Variants in COL23A1 observed in about 807,000 individuals in gnomAD.
COL23A1 encodes collagen type XXIII alpha 1 chain.
A neutral mutation model predicts 99.3 loss-of-function variants in COL23A1; 97 were observed. The observed-to-expected ratio is 0.98, with a 90% CI of 0.83 to 1.16. The LOEUF (loss-of-function observed/expected upper bound fraction) is 1.16. COL23A1 is among the 50% of genes most tolerant of loss of function. The pLI is 0.00. For synonymous variants in COL23A1, 320 were observed against 308.2 expected, an observed-to-expected ratio of 1.04 and a Z score of -0.40; for missense variants, 762 against 757.4, an observed-to-expected ratio of 1.01 and a Z score of -0.07.
intron 2 of COL23A1, among the ~76,000 whole-genome samples, chr5:178,454,035 A>G (rs1767633548): frequency 6.6e-6 from 1 of 152,214 alleles, no homozygotes; most frequent in South Asian, 2.1e-4. Flanking sequence ...AGACGTATTT[A>G]TTTTTGTCTT....
chr5:178,538,077 T>C (rs1368071219), intron 2 of COL23A1, among the ~76,000 whole-genome samples: 1 of 152,240 alleles, frequency 6.6e-6, no homozygotes, highest in Non-Finnish European at 1.5e-5. Flanking sequence ...TGCTATTGTA[T>C]GGATATGCTG....
chr5:178,500,936 C>T (rs545757979), intron 2 of COL23A1, among the ~76,000 whole-genome samples: 70 of 151,898 alleles, frequency 4.6e-4, no homozygotes, highest in Non-Finnish European at 7.4e-4. Context: ...TCACAAACTG[C>T]GAAATATTTT....
At chr5:178,530,529 T>G (rs139215298) in intron 2 of COL23A1, among the ~76,000 whole-genome samples, 1 of 152,180 alleles carries the variant, frequency 6.6e-6, no homozygotes, top group Non-Finnish European at 1.5e-5. Context: ...TTGCTTCTAA[T>G]GAAGAGAAAG....
At chr5:178,555,665 G>A (rs1762232225) in intron 2 of COL23A1, among the ~76,000 whole-genome samples, 1 of 152,180 alleles carries the variant, frequency 6.6e-6, no homozygotes, top group Non-Finnish European at 1.5e-5. Context: ...GTGAATGCAA[G>A]GGCCACAGTG....
chr5:178,254,171 A>G (rs1233585962), intron 16 of COL23A1, among the ~76,000 whole-genome samples: 3 of 152,028 alleles, frequency 2.0e-5, no homozygotes, highest in Non-Finnish European at 4.4e-5. Context: ...CAAAAACAAA[A>G]CGAAGTCCAT....
chr5:178,465,561 C>T (rs1244152769), intron 2 of COL23A1, among the ~76,000 whole-genome samples: 4 of 152,184 alleles, frequency 2.6e-5, no homozygotes, highest in African/African-American at 9.7e-5. Context: ...CCCACAGCAC[C>T]CAGGGCAAGA....
chr5:178,516,016 G>A (rs1312136217), intron 2 of COL23A1, among the ~76,000 whole-genome samples: 1 of 152,102 alleles, frequency 6.6e-6, no homozygotes, highest in Non-Finnish European at 1.5e-5. Flanking sequence ...CTCTTTTTGT[G>A]TCTCTTTCTG....
At chr5:178,481,815 T>C (rs1316452080) in intron 2 of COL23A1, among the ~76,000 whole-genome samples, 5 of 140,032 alleles carry the variant, frequency 3.6e-5, no homozygotes, top group Non-Finnish European at 6.0e-5. Flanking sequence ...TAGGTGGGAA[T>C]TGAACAGTGA....
intron 2 of COL23A1, among the ~76,000 whole-genome samples, chr5:178,517,568 G>GTTGTTTTTTTTTTT: frequency 9.2e-6 from 1 of 108,262 alleles, no homozygotes; most frequent in East Asian, 3.0e-4. Flanking sequence ...TTTTTTTTTT[G>GTTGTTTTTTTTTTT]TTTTTTTTTT....
At chr5:178,557,341 C>T (rs1004332448) in intron 2 of COL23A1, among the ~76,000 whole-genome samples, 78 of 152,324 alleles carry the variant, frequency 5.1e-4, no homozygotes, top group African/African-American at 1.8e-3. Flanking sequence ...TCAAAGGTCA[C>T]ATTCACAGGT....
At chr5:178,257,817 G>T (rs1294069685) in intron 12 of COL23A1, among the ~76,000 whole-genome samples, 1 of 152,248 alleles carries the variant, frequency 6.6e-6, no homozygotes, top group Non-Finnish European at 1.5e-5. Context: ...GGTGAATGAG[G>T]GTACATTCAT....
rs1037065040 is a variant in COL23A1, at chr5:178,310,745, G to A, written c.362-3826C>T. Among the ~76,000 whole-genome samples, 2 of 152,170 alleles carry A rather than the reference G, an allele frequency of 1.3e-5. No homozygotes were observed. Among genetic ancestry groups the A allele is most frequent in the African/African-American group, 4.8e-5 (2 of 41,448 alleles). ...GTGGAGCAGGTTGCCCCGGCCCCTG[G>A]GAGAGCAGGGCCAGCTTGGCTGCAG... is the stretch of plus-strand genomic sequence containing the variant. On this transcript the variant is annotated intron_variant, in intron 2 of 28. Transcript: ENST00000390654. This position sits in a 1 kb window ranked among gnomAD's most constrained non-coding sequence, Gnocchi z 4.3.
intron 2 of COL23A1, among the ~76,000 whole-genome samples, chr5:178,400,012 C>T (rs1764351200): frequency 6.6e-6 from 1 of 152,188 alleles, no homozygotes; most frequent in Non-Finnish European, 1.5e-5. Context: ...ATGAATGAAC[C>T]AGCAAGAACA....
chr5:178,239,401 GT>G (rs1337928590), intron 27 of COL23A1, among the ~76,000 whole-genome samples: 1 of 152,236 alleles, frequency 6.6e-6, no homozygotes, highest in Non-Finnish European at 1.5e-5. Context: ...TGTCCTGAGT[GT>G]GTTCCCTCTG....
At chr5:178,431,375 C>T (rs1011685226) in intron 2 of COL23A1, among the ~76,000 whole-genome samples, 4 of 152,170 alleles carry the variant, frequency 2.6e-5, no homozygotes, top group African/African-American at 7.2e-5. Context: ...AAAGACACTA[C>T]GGTTGACAGA....
At chr5:178,543,305 C>G (rs753123935) in intron 2 of COL23A1, among the ~76,000 whole-genome samples, 9 of 152,104 alleles carry the variant, frequency 5.9e-5, no homozygotes, top group Non-Finnish European at 1.0e-4. Context: ...CAAGGTTTCA[C>G]CACGTTGGCC....
intron 2 of COL23A1, among the ~76,000 whole-genome samples, chr5:178,424,055 C>T (rs1298232917): frequency 2.0e-5 from 3 of 152,184 alleles, no homozygotes; most frequent in African/African-American, 7.2e-5. Context: ...ACCTAAGGCC[C>T]TCTTCCTTCC....
At chr5:178,278,898 TG>T (rs1305892447) in intron 5 of COL23A1, among the ~76,000 whole-genome samples, 1 of 152,202 alleles carries the variant, frequency 6.6e-6, no homozygotes, top group Admixed American at 6.5e-5. Context: ...TGTGACGCGC[TG>T]GGCCAGCCCT....
At chr5:178,282,627 C>T (rs1756959407) in intron 5 of COL23A1, among the ~76,000 whole-genome samples, 1 of 152,214 alleles carries the variant, frequency 6.6e-6, no homozygotes, top group South Asian at 2.1e-4. Flanking sequence ...CTGTCACCCT[C>T]TGAGCTCAGA....
Sources: allele counts gnomAD v4.1 joint callset (sites outside exome capture counted in the v4.1 genomes callset), GRCh38; gene constraint gnomAD v4.1.1; non-coding constraint Gnocchi (gnomAD v3.1); transcripts MANE v1.5; gene names NCBI Gene and HGNC (gene_info 2026-07-23, HGNC 2026-07-21).